The following COMMD10 variants were observed in gnomAD, a reference collection of about 807,000 sequenced individuals.
The protein encoded by COMMD10 is COMM domain-containing protein 10.
COMMD10 carries 33 observed loss-of-function variants against 28.9 expected under a neutral mutation model. The ratio of observed to expected loss-of-function variants is 1.14; its 90% CI spans 0.87 to 1.53. The LOEUF is 1.53. COMMD10 is among the 40% of genes most tolerant of loss of function. The probability of loss-of-function intolerance (pLI) is 0.00; values close to 1 mark genes in which losing one functional copy is unlikely to be tolerated. For synonymous variants in COMMD10, 110 were observed against 81.7 expected (o/e 1.35, Z -1.87); for missense variants, 310 against 233.4 (o/e 1.33, Z -2.14).
chr5:116,198,577 T>A (rs1370997200), intron 5 of COMMD10, among the ~76,000 whole-genome samples: 1 of 152,164 alleles, frequency 6.6e-6, no homozygotes, highest in African/African-American at 2.4e-5. Context: ...GTCATACATT[T>A]CATGGATTTG....
intron 5 of COMMD10, among the ~76,000 whole-genome samples, chr5:116,266,714 T>C (rs1245189502): frequency 3.3e-5 from 5 of 151,744 alleles, no homozygotes; most frequent in Non-Finnish European, 7.4e-5. Flanking sequence ...ACTGGCAAAC[T>C]GAATCCAGCA....
chr5:116,173,328 C>G (rs1018638901), intron 5 of COMMD10, among the ~76,000 whole-genome samples: 3 of 152,004 alleles, frequency 2.0e-5, no homozygotes, highest in African/African-American at 7.2e-5. Flanking sequence ...TTCAATTTTC[C>G]AGTTATATAT....
chr5:116,219,085 A>G (rs1012095123), intron 5 of COMMD10, among the ~76,000 whole-genome samples: 3 of 152,152 alleles, frequency 2.0e-5, no homozygotes. Context: ...CTATGAGACA[A>G]GACCATCTAA....
intron 5 of COMMD10, among the ~76,000 whole-genome samples, chr5:116,147,044 C>A (rs1752373392): frequency 6.6e-6 from 1 of 151,660 alleles, no homozygotes; most frequent in African/African-American, 2.4e-5. Context: ...GGAAATGTGG[C>A]CATCCCGAGA....
intron 5 of COMMD10, among the ~76,000 whole-genome samples, chr5:116,198,686 A>G (rs748435325): frequency 1.3e-5 from 2 of 152,132 alleles, no homozygotes; most frequent in African/African-American, 2.4e-5. Context: ...ACATTTTCAG[A>G]AGTGTCATAT....
intron 5 of COMMD10, among the ~76,000 whole-genome samples, chr5:116,206,918 C>T (rs1748828043): frequency 6.6e-6 from 1 of 152,098 alleles, no homozygotes; most frequent in Admixed American, 6.5e-5. Flanking sequence ...GCTCTTCTCT[C>T]TCCATCTCCT....
At chr5:116,204,941 C>T (rs1033902458) in intron 5 of COMMD10, among the ~76,000 whole-genome samples, 1 of 152,054 alleles carries the variant, frequency 6.6e-6, no homozygotes, top group Non-Finnish European at 1.5e-5. Flanking sequence ...TCACTCTCTA[C>T]CTCCCATGGT....
chr5:116,095,363 A>G (rs1229426576), intron 4 of COMMD10, among the ~76,000 whole-genome samples: 2 of 152,240 alleles, frequency 1.3e-5, no homozygotes, highest in Admixed American at 6.5e-5. Flanking sequence ...CCACAGGCTA[A>G]TGTAAGTATA....
At chr5:116,202,231 C>T (rs1237739530) in intron 5 of COMMD10, among the ~76,000 whole-genome samples, 1 of 151,880 alleles carries the variant, frequency 6.6e-6, no homozygotes, top group Non-Finnish European at 1.5e-5. Flanking sequence ...ATTTTTATGG[C>T]TGCATAGTAT....
chr5:116,087,384 G>T, intron 1 of COMMD10, 113 bp from the exon 2 acceptor site: 2 of 632,920 alleles, frequency 3.2e-6, no homozygotes, highest in Non-Finnish European at 5.6e-6. Flanking sequence ...ATTTCACTCA[G>T]ATTTACCATA....
chr5:116,263,790 C>G (rs1051241553), intron 5 of COMMD10, among the ~76,000 whole-genome samples: 1 of 151,692 alleles, frequency 6.6e-6, no homozygotes, highest in Non-Finnish European at 1.5e-5. Context: ...CTTTCTGAAC[C>G]AAACCAGTGT....
intron 5 of COMMD10, among the ~76,000 whole-genome samples, chr5:116,199,949 A>G (rs1748621748): frequency 6.6e-6 from 1 of 152,038 alleles, no homozygotes; most frequent in Non-Finnish European, 1.5e-5. Context: ...TTTCCTCAAC[A>G]CTAAATATTT....
At chr5:116,268,510 A>C (rs565516402) in intron 5 of COMMD10, among the ~76,000 whole-genome samples, 1 of 151,960 alleles carries the variant, frequency 6.6e-6, no homozygotes, top group East Asian at 1.9e-4. Context: ...GTGAGACTGT[A>C]AACTAGTTCA....
chr5:116,199,300 C>G (rs1748605181), intron 5 of COMMD10, among the ~76,000 whole-genome samples: 1 of 152,054 alleles, frequency 6.6e-6, no homozygotes, highest in African/African-American at 2.4e-5. Context: ...CACTTTTAAG[C>G]TGTGTTTTCT....
At chr5:116,133,524 C>G (rs909600888) in intron 4 of COMMD10, among the ~76,000 whole-genome samples, 1 of 152,152 alleles carries the variant, frequency 6.6e-6, no homozygotes, top group Non-Finnish European at 1.5e-5. Context: ...CTGCCTGTTT[C>G]AATCTCATTG....
chr5:116,193,274 G>T (rs940238919), intron 5 of COMMD10, among the ~76,000 whole-genome samples: 3 of 151,982 alleles, frequency 2.0e-5, no homozygotes, highest in Non-Finnish European at 2.9e-5. Context: ...AACAAAGTAC[G>T]CAGGCAACAA....
At chr5:116,201,731 C>A (rs1238936476) in intron 5 of COMMD10, among the ~76,000 whole-genome samples, 1 of 152,016 alleles carries the variant, frequency 6.6e-6, no homozygotes. Flanking sequence ...GACTGCACTG[C>A]AGCATTAAAG....
At chr5:116,146,014 G>A (rs1752338464) in intron 5 of COMMD10, among the ~76,000 whole-genome samples, 1 of 151,846 alleles carries the variant, frequency 6.6e-6, no homozygotes, top group South Asian at 2.1e-4. Flanking sequence ...GGTTTATAGA[G>A]GAGCCTCAAA....
At chr5:116,126,775 C>G (rs546174453) in intron 4 of COMMD10, among the ~76,000 whole-genome samples, 16 of 152,270 alleles carry the variant, frequency 1.1e-4, no homozygotes, top group Non-Finnish European at 2.1e-4. Context: ...AAAATTAATT[C>G]AAGATAGTTT....
Sources: allele counts gnomAD v4.1 joint callset (sites outside exome capture counted in the v4.1 genomes callset), GRCh38; gene constraint gnomAD v4.1.1; transcripts MANE v1.5; gene names NCBI Gene and HGNC (gene_info 2026-07-23, HGNC 2026-07-21).